C12orf56: variants seen among roughly 807,000 people sequenced by gnomAD.
The protein encoded by C12orf56 is chromosome 12 open reading frame 56.
C12orf56 carries 71 observed loss-of-function variants against 69.9 expected under a neutral mutation model. The observed-to-expected ratio is 1.02, with a 90% CI of 0.84 to 1.24. C12orf56 has a LOEUF of 1.24. C12orf56 is among the 50% of genes most tolerant of loss of function. C12orf56 has a pLI of 0.00. For missense variants in C12orf56, 732 were observed against 738.5 expected (o/e 0.99, Z 0.10); for synonymous variants, 276 against 274.1 (o/e 1.01, Z -0.07).
At chr12:64,387,454 T>C (rs2039809379) in intron 1 of C12orf56, among the ~76,000 whole-genome samples, 1 of 152,178 alleles carries the variant, frequency 6.6e-6, no homozygotes, top group Admixed American at 6.5e-5. Flanking sequence ...TCCTTTTTTG[T>C]AGGATTCTTG....
At chr12:64,385,052 TC>T (rs1268890878) in intron 1 of C12orf56, among the ~76,000 whole-genome samples, 44 of 127,532 alleles carry the variant, frequency 3.5e-4, no homozygotes, top group African/African-American at 1.2e-3. Flanking sequence ...AGACTCCTGC[TC>T]AAAAAAAAAA....
chr12:64,338,407 G>C (rs1182119511), intron 2 of C12orf56: 2 of 732,576 alleles, frequency 2.7e-6, no homozygotes, highest in African/African-American at 3.5e-5. Flanking sequence ...CATCGTTTTT[G>C]GTGGCAACTT....
In C12orf56 at chr12:64,390,473, G is replaced by T; in HGVS notation, c.93C>A (p.Asp31Glu). Residue 31 changes from aspartate (D) to glutamate (E), a missense_variant, in exon 1 of 13, where the codon GAC (aspartate) becomes GAA (glutamate). Transcript: ENST00000543942. ...LRRHLPPEVY[D>E]AVRAYEPCIV... ...TGCATGGCTCGTAGGCGCGGACCGCGTCGTAGACCTCGGGCGGCAGATGCC... is the reference window on the plus strand; with the variant it reads ...TGCATGGCTCGTAGGCGCGGACCGCTTCGTAGACCTCGGGCGGCAGATGCC... 2 of 1,606,402 alleles carry T rather than the reference G, an allele frequency of 1.2e-6. No homozygotes were observed. The highest frequency in any genetic ancestry group is 1.7e-6 in the Non-Finnish European group (2 of 1,179,646).
At chr12:64,336,496 T>C (rs2038998331) in intron 2 of C12orf56, among the ~76,000 whole-genome samples, 1 of 152,184 alleles carries the variant, frequency 6.6e-6, no homozygotes, top group Admixed American at 6.6e-5. Flanking sequence ...AAGCCAAGAA[T>C]AATTATGCTT....
intron 6 of C12orf56, among the ~76,000 whole-genome samples, chr12:64,289,276 T>C (rs2038256064): frequency 8.7e-6 from 1 of 114,366 alleles, no homozygotes; most frequent in Non-Finnish European, 2.0e-5. Context: ...TTTCTAGATA[T>C]ACAATCATGT....
chr12:64,350,653 G>A (rs1199338030), intron 2 of C12orf56, among the ~76,000 whole-genome samples: 1 of 152,188 alleles, frequency 6.6e-6, no homozygotes, highest in Non-Finnish European at 1.5e-5. Context: ...CATGCTCTTG[G>A]GACCTCAAAA....
At chr12:64,349,455 T>C (rs1430154974) in intron 2 of C12orf56, among the ~76,000 whole-genome samples, 1 of 152,100 alleles carries the variant, frequency 6.6e-6, no homozygotes, top group African/African-American at 2.4e-5. Context: ...ACTGTGGAGA[T>C]TCCTTAAAGA....
chr12:64,341,514 G>A (rs1353992555), intron 2 of C12orf56, among the ~76,000 whole-genome samples: 3 of 152,198 alleles, frequency 2.0e-5, no homozygotes, highest in Non-Finnish European at 2.9e-5. Context: ...AACATGGTAA[G>A]ACCAGTGAAT....
At chr12:64,344,983 G>T (rs1212212549) in intron 2 of C12orf56, among the ~76,000 whole-genome samples, 1 of 152,000 alleles carries the variant, frequency 6.6e-6, no homozygotes, top group East Asian at 1.9e-4. Context: ...CTACTTAGTG[G>T]GGCCAAATCA....
intron 8 of C12orf56, among the ~76,000 whole-genome samples, chr12:64,278,787 C>G (rs796385116): frequency 6.6e-6 from 1 of 152,138 alleles, no homozygotes; most frequent in Non-Finnish European, 1.5e-5. Context: ...CACCATTCTA[C>G]ACTCTCTGTT....
intron 1 of C12orf56, among the ~76,000 whole-genome samples, chr12:64,382,093 C>A (rs568988715): frequency 1.3e-5 from 2 of 151,982 alleles, no homozygotes; most frequent in African/African-American, 4.8e-5. Context: ...GAAACCCCAT[C>A]TCTACTAAAA....
intron 11 of C12orf56, among the ~76,000 whole-genome samples, chr12:64,272,141 G>A (rs1007759541): frequency 6.6e-6 from 1 of 152,126 alleles, no homozygotes. Flanking sequence ...AGGACTGCTT[G>A]AGCCCAGGAG....
Position 64,382,178 on chromosome 12 carries a change from G to A in C12orf56, c.252+8136C>T, listed in dbSNP as rs748830689. ...CTTGGGAGGCTGAGGCACAAGAATC[G>A]CTTGAACCAGGAGGCGGAGTTTATA... is the stretch of plus-strand genomic sequence containing the variant. On this transcript the variant is annotated intron_variant, in intron 1 of 12. Coordinates refer to ENST00000543942, the MANE Select transcript of C12orf56 (RefSeq NM_001170633.2). Among the ~76,000 whole-genome samples, 10 of 149,592 alleles carry A rather than the reference G, an allele frequency of 6.7e-5. No individual in the cohort carries two copies. In the East Asian group the frequency reaches 7.9e-4, roughly 12 times the overall value.
intron 6 of C12orf56, among the ~76,000 whole-genome samples, chr12:64,301,478 A>G (rs1038691852): frequency 2.0e-5 from 3 of 152,112 alleles, no homozygotes; most frequent in Non-Finnish European, 2.9e-5. Context: ...AAGGGTAATC[A>G]CCCCAGGACC....
rs2039855397 is a variant in C12orf56, at chr12:64,390,507, A to G, written c.59T>C (p.Phe20Ser). ...PARRNSRLDV[F>S]LRRHLPPEVY... is the part of the protein sequence containing the mutation. ...CTCGGGCGGCAGATGCCGCCGCAGG[A>G]ACACATCCAGGCGGCTGTTCCTGCG... Residue 20 changes from phenylalanine to serine, a missense_variant, in exon 1 of 13, where the codon TTC (phenylalanine) becomes TCC (serine). Transcript: ENST00000543942. 1.9e-6 allele frequency: 3 copies of G among 1,600,526 alleles called. No homozygotes were observed. Among genetic ancestry groups the G allele is most frequent in the Non-Finnish European group, 2.5e-6 (3 of 1,179,452 alleles).
intron 4 of C12orf56, among the ~76,000 whole-genome samples, chr12:64,315,886 G>A (rs1255072662): frequency 1.4e-5 from 2 of 146,656 alleles, no homozygotes; most frequent in South Asian, 4.3e-4. Flanking sequence ...AGCCAAGATC[G>A]CACCATTGCA....
At chr12:64,342,255 A>G (rs1010952674) in intron 2 of C12orf56, among the ~76,000 whole-genome samples, 4 of 152,244 alleles carry the variant, frequency 2.6e-5, no homozygotes, top group Non-Finnish European at 5.9e-5. Flanking sequence ...GCAATCGTAC[A>G]TCTGGCCATT....
chr12:64,369,342 C>A (rs931742075), intron 1 of C12orf56, among the ~76,000 whole-genome samples: 1 of 152,046 alleles, frequency 6.6e-6, no homozygotes, highest in African/African-American at 2.4e-5. Flanking sequence ...GGATTACAGG[C>A]ATGTGCCACC....
At chr12:64,326,521 G>T (rs560213183) in intron 3 of C12orf56, among the ~76,000 whole-genome samples, 25 of 152,272 alleles carry the variant, frequency 1.6e-4, no homozygotes, top group African/African-American at 5.8e-4. Flanking sequence ...TGGATTACAA[G>T]ACTGGGAGTT....
Sources: gnomAD v4.1 joint callset for allele counts (sites outside exome capture counted in the v4.1 genomes callset) on GRCh38, gnomAD v4.1.1 for gene constraint, MANE v1.5 for transcripts, NCBI Gene and HGNC (gene_info 2026-07-23, HGNC 2026-07-21) for gene names.